The following TCF20 variants were observed in gnomAD, a reference collection of about 807,000 sequenced individuals.
TCF20 encodes the protein transcription factor 20, also known as SPRE-binding protein.
Under a neutral mutation model 148.6 loss-of-function variants are expected in TCF20, and 3 were observed. The ratio of observed to expected loss-of-function variants is 0.02; its 90% CI spans 0.01 to 0.05. The LOEUF (loss-of-function observed/expected upper bound fraction) is 0.05, where lower values mean the gene tolerates loss of function less well. Ranked by LOEUF, TCF20 falls within the 10% of genes least tolerant of loss-of-function variation. The pLI is 1.00. For missense variants in TCF20, 2,350 were observed against 2,429.3 expected (o/e 0.97, Z 0.69); for synonymous variants, 1,049 against 909.5 (o/e 1.15, Z -2.76).
chr22:42,326,391 C>T (rs1212117363), intron 1 of TCF20, among the ~76,000 whole-genome samples: 1 of 152,224 alleles, frequency 6.6e-6, no homozygotes, highest in Non-Finnish European at 1.5e-5. Flanking sequence ...AATGCCCCTT[C>T]CCATCTCGGC....
chr22:42,283,283 G>A (rs1926947328), intron 1 of TCF20, among the ~76,000 whole-genome samples: 1 of 152,188 alleles, frequency 6.6e-6, no homozygotes, highest in Non-Finnish European at 1.5e-5. Flanking sequence ...GAACATGCCT[G>A]GAAATAGTGG....
At chr22:42,265,461 T>C (rs150189247) in intron 1 of TCF20, among the ~76,000 whole-genome samples, 110 of 152,280 alleles carry the variant, frequency 7.2e-4, no homozygotes, top group African/African-American at 2.6e-3. Flanking sequence ...GGCACCCACG[T>C]CACATCTGGC....
chr22:42,198,748 G>A (rs1325021743), intron 2 of TCF20, among the ~76,000 whole-genome samples: 4 of 149,984 alleles, frequency 2.7e-5, no homozygotes, highest in Non-Finnish European at 2.9e-5. Flanking sequence ...TGCAAGCTCC[G>A]CCTCCTGGGT....
chr22:42,220,439 CCTG>C (rs1419657309), intron 1 of TCF20, among the ~76,000 whole-genome samples: 1 of 152,240 alleles, frequency 6.6e-6, no homozygotes, highest in African/African-American at 2.4e-5. Flanking sequence ...CTCAAGCCAT[CCTG>C]CTGTTTCAAC....
At chr22:42,245,882 G>GA (rs1414003877) in intron 1 of TCF20, among the ~76,000 whole-genome samples, 2 of 151,956 alleles carry the variant, frequency 1.3e-5, no homozygotes, top group Admixed American at 6.6e-5. Flanking sequence ...TGAATAGATG[G>GA]AATTACAGGC....
intron 2 of TCF20, among the ~76,000 whole-genome samples, chr22:42,186,146 TAAGAC>T (rs1937034796): frequency 6.6e-6 from 1 of 152,230 alleles, no homozygotes; most frequent in Admixed American, 6.5e-5. Context: ...TGTGTGTACT[TAAGAC>T]AAAAGTTCCA....
Position 42,194,779 on chromosome 22 carries a change from C to T in TCF20, c.5655+14872G>A, listed in dbSNP as rs78676884. On this transcript the variant is annotated intron_variant, in intron 2 of 5. Transcript: ENST00000677622. ...ATGTGCCTATTTCCCCTGCCACTCA[C>T]GCTTCAAACCCCCCAAGTCACTCTA... Among the ~76,000 whole-genome samples the T allele has an allele frequency of 1.6e-3, 245 of 152,048 alleles. 3 individuals are homozygous for T. The highest frequency in any genetic ancestry group is 5.6e-3 in the African/African-American group (232 of 41,472).
chr22:42,213,261 T>C lies in TCF20; in HGVS notation c.2045A>G (p.Gln682Arg). The part of the protein sequence containing the change: ...NSNHNGEGNG[Q>R]SGHSAAGPGF... ...AGGGCCCGCTGCAGAGTGGCCACTC[T>C]GGCCATTTCCTTCTCCATTATGGTT... Residue 682 changes from glutamine (Q) to arginine (R), a missense_variant, in exon 2 of 6, where the codon CAG becomes CGG. Transcript: ENST00000677622. 1 of 1,614,222 alleles carries C rather than the reference T, an allele frequency of 6.2e-7. No individual in the cohort carries two copies. Among genetic ancestry groups the C allele is most frequent in the Non-Finnish European group, 8.5e-7 (1 of 1,180,030 alleles).
chr22:42,259,463 C>A (rs773089716), intron 1 of TCF20, among the ~76,000 whole-genome samples: 2 of 152,186 alleles, frequency 1.3e-5, no homozygotes, highest in African/African-American at 4.8e-5. Flanking sequence ...CATGCAACCT[C>A]CAAGTCTTAA....
chr22:42,324,832 T>C (rs1226933018), intron 1 of TCF20, among the ~76,000 whole-genome samples: 2 of 151,966 alleles, frequency 1.3e-5, no homozygotes, highest in Non-Finnish European at 2.9e-5. Flanking sequence ...GCCTGGGGAG[T>C]CTTATTATCT....
At chr22:42,178,092 G>C (rs995290662) in intron 3 of TCF20, among the ~76,000 whole-genome samples, 1 of 152,192 alleles carries the variant, frequency 6.6e-6, no homozygotes, top group African/African-American at 2.4e-5. Context: ...GATTCAGAGG[G>C]CTTCTGGACT....
At chr22:42,237,077 C>T (rs992454989) in intron 1 of TCF20, among the ~76,000 whole-genome samples, 1 of 148,282 alleles carries the variant, frequency 6.7e-6, no homozygotes, top group Non-Finnish European at 1.5e-5. Context: ...AAGTCTGACG[C>T]ATCGACTGGC....
At chr22:42,264,057 T>G (rs1176405824) in intron 1 of TCF20, among the ~76,000 whole-genome samples, 1 of 152,154 alleles carries the variant, frequency 6.6e-6, no homozygotes, top group East Asian at 1.9e-4. Context: ...GAAGGCACGC[T>G]GGATGCCAGC....
Position 42,213,383 on chromosome 22 carries a change from A to G in TCF20, c.1923T>C (p.Asn641=). 1 of 1,614,004 alleles carries G rather than the reference A, an allele frequency of 6.2e-7. No individual in the cohort carries two copies. Among genetic ancestry groups the G allele is most frequent in the African/African-American group, 1.3e-5 (1 of 74,968 alleles). ...DPAATQRPPS[N]GGAKETSHAS... The stretch of plus-strand genomic sequence containing the variant: ...CATGACTGGTTTCCTTTGCCCCACC[A>G]TTGCTAGGTGGCCTTTGAGTGGCTG... The change falls in exon 2 of 6, where the codon AAT becomes AAC. Residue 641 remains asparagine, a synonymous_variant. Coordinates refer to ENST00000677622, the MANE Select transcript of TCF20 (RefSeq NM_001378418.1).
chr22:42,200,438 C>T (rs778462070), intron 2 of TCF20, among the ~76,000 whole-genome samples: 39 of 151,912 alleles, frequency 2.6e-4, no homozygotes, highest in Non-Finnish European at 4.7e-4. Context: ...GTCAGGAGTT[C>T]GAGGCCAGCC....
chr22:42,209,474 G>A (rs1429453537), intron 2 of TCF20, among the ~76,000 whole-genome samples, 177 bp downstream of exon 2: 1 of 152,148 alleles, frequency 6.6e-6, no homozygotes, highest in Admixed American at 6.5e-5. Flanking sequence ...AATGAAAAAC[G>A]ATTTTAGAAG....
At chr22:42,164,581 C>T (rs986167672) in intron 5 of TCF20, among the ~76,000 whole-genome samples, 3 of 152,278 alleles carry the variant, frequency 2.0e-5, no homozygotes, top group Non-Finnish European at 2.9e-5. Flanking sequence ...TTACATGCCC[C>T]GCTCTGGGCT....
At chr22:42,241,438 A>G (rs1261290764) in intron 1 of TCF20, among the ~76,000 whole-genome samples, 1 of 152,240 alleles carries the variant, frequency 6.6e-6, no homozygotes, top group East Asian at 1.9e-4. Context: ...GGGAACAGGA[A>G]TCCATAAAAA....
intron 1 of TCF20, among the ~76,000 whole-genome samples, chr22:42,281,103 T>C (rs748120644): frequency 2.0e-5 from 3 of 152,180 alleles, no homozygotes; most frequent in African/African-American, 7.2e-5. Flanking sequence ...GAGCTGCTCC[T>C]GAACCCTTCA....
Sources: gnomAD v4.1 joint callset for allele counts (sites outside exome capture counted in the v4.1 genomes callset) on GRCh38, gnomAD v4.1.1 for gene constraint, MANE v1.5 for transcripts, NCBI Gene and HGNC (gene_info 2026-07-23, HGNC 2026-07-21) for gene names.